The following FARS2 variants were observed in gnomAD, a reference collection of about 807,000 sequenced individuals.
FARS2 encodes the protein phenylalanine--tRNA ligase, mitochondrial.
In FARS2, 40 loss-of-function variants were observed where a neutral mutation model predicts 46.4. The observed-to-expected ratio is 0.86, with a 90% CI of 0.67 to 1.12. FARS2 has a LOEUF of 1.12. Ranked by LOEUF, FARS2 falls within the 50% of genes most tolerant of loss-of-function variation. The probability of loss-of-function intolerance (pLI) is 0.00; values close to 1 mark genes in which losing one functional copy is unlikely to be tolerated. For synonymous variants in FARS2, 234 were observed against 214.9 expected (o/e 1.09, Z -0.78); for missense variants, 513 against 567.9 (o/e 0.90, Z 0.98).
chr6:5,367,957 T>TA (rs1001596185), intron 1 of FARS2, among the ~76,000 whole-genome samples: 50 of 152,310 alleles, frequency 3.3e-4, no homozygotes, highest in Non-Finnish European at 6.2e-4. Flanking sequence ...TAAAACTTTT[T>TA]AAAAAAATTA....
At chr6:5,333,833 T>A (rs1395175253) in intron 1 of FARS2, among the ~76,000 whole-genome samples, 2 of 152,186 alleles carry the variant, frequency 1.3e-5, no homozygotes, top group Admixed American at 6.5e-5. Context: ...ACTTTGTACA[T>A]CATCTACCAT....
At chr6:5,285,915 T>C (rs1162395517) in intron 1 of FARS2, among the ~76,000 whole-genome samples, 2 of 152,198 alleles carry the variant, frequency 1.3e-5, no homozygotes, top group Non-Finnish European at 2.9e-5. Flanking sequence ...AGAAAGTTCA[T>C]ACCTGTGGAG....
intron 6 of FARS2, among the ~76,000 whole-genome samples, chr6:5,699,375 C>G (rs1758285149): frequency 6.6e-6 from 1 of 152,218 alleles, no homozygotes; most frequent in African/African-American, 2.4e-5. Context: ...TTCCCTTTCT[C>G]TACAGTTTTG....
rs142536639 is a variant in FARS2, at chr6:5,429,025, A to G, written c.773-2016A>G. 1.6e-3 allele frequency among the ~76,000 whole-genome samples: 251 copies of G among 152,332 alleles called. 2 individuals carry two copies. Among genetic ancestry groups the G allele is most frequent in the African/African-American group, 4.9e-3 (204 of 41,564 alleles). On this transcript the variant is annotated intron_variant, in intron 3 of 6. Coordinates refer to ENST00000274680, the MANE Select transcript of FARS2 (RefSeq NM_006567.5). ...ATTTTTATAAAATTCTAGGAAATGCAAACTCATCTATAGTGGCAGAACAAA... is the reference window on the plus strand; with the variant it reads ...ATTTTTATAAAATTCTAGGAAATGCGAACTCATCTATAGTGGCAGAACAAA...
intron 1 of FARS2, among the ~76,000 whole-genome samples, chr6:5,312,714 G>T (rs1769168446): frequency 6.6e-6 from 1 of 152,202 alleles, no homozygotes; most frequent in Non-Finnish European, 1.5e-5. Flanking sequence ...TCAATTATAA[G>T]GAGTCCAACC....
intron 3 of FARS2, among the ~76,000 whole-genome samples, chr6:5,410,608 A>T (rs994131419): frequency 6.6e-6 from 1 of 152,194 alleles, no homozygotes; most frequent in African/African-American, 2.4e-5. Flanking sequence ...ACCTGGATTA[A>T]ATTTACATTA....
At chr6:5,754,609 A>G (rs1685769616) in intron 6 of FARS2, among the ~76,000 whole-genome samples, 1 of 152,228 alleles carries the variant, frequency 6.6e-6, no homozygotes, top group African/African-American at 2.4e-5. Context: ...CTTCAAAGGT[A>G]TGTGAGTTGC....
At chr6:5,466,453 A>T (rs897858700) in intron 4 of FARS2, 1 of 890,892 alleles carries the variant, frequency 1.1e-6, no homozygotes, top group Non-Finnish European at 1.3e-6. Flanking sequence ...AGTCAGCTCT[A>T]TATTCCCAGG....
At chr6:5,418,555 T>C (rs1554182859) in intron 3 of FARS2, among the ~76,000 whole-genome samples, 1 of 152,200 alleles carries the variant, frequency 6.6e-6, no homozygotes, top group Non-Finnish European at 1.5e-5. Context: ...TCCAACTTTA[T>C]TCCCTCTAAT....
At chr6:5,408,156 C>G (rs968209617) in intron 3 of FARS2, among the ~76,000 whole-genome samples, 3 of 152,174 alleles carry the variant, frequency 2.0e-5, no homozygotes, top group African/African-American at 7.2e-5. Flanking sequence ...TCCCTGTCTT[C>G]AAAGAGCCAT....
At chr6:5,405,428 A>C (rs1761510339) in intron 3 of FARS2, among the ~76,000 whole-genome samples, 2 of 145,496 alleles carry the variant, frequency 1.4e-5, no homozygotes, top group African/African-American at 5.1e-5. Context: ...GCTGATTTGG[A>C]GTATATTATT....
At chr6:5,423,848 G>T (rs1432394981) in intron 3 of FARS2, among the ~76,000 whole-genome samples, 1 of 152,164 alleles carries the variant, frequency 6.6e-6, no homozygotes, top group Non-Finnish European at 1.5e-5. Context: ...TAAGGCCCTA[G>T]ATAGGGATGA....
At chr6:5,646,906 G>A (rs559348122) in intron 6 of FARS2, among the ~76,000 whole-genome samples, 1 of 152,190 alleles carries the variant, frequency 6.6e-6, no homozygotes, top group African/African-American at 2.4e-5. Context: ...CATGGATATG[G>A]AGGACCAACT....
chr6:5,380,080 T>G (rs1383562017), intron 2 of FARS2, among the ~76,000 whole-genome samples: 4 of 152,228 alleles, frequency 2.6e-5, no homozygotes, highest in African/African-American at 7.2e-5. Flanking sequence ...AAATATTTGT[T>G]CTTAATTCAA....
rs181568966 is a variant in FARS2, at chr6:5,322,292, A to G, written c.-21-46258A>G. On this transcript the variant is annotated intron_variant, in intron 1 of 6. Coordinates refer to ENST00000274680, the MANE Select transcript of FARS2 (RefSeq NM_006567.5). Reference sequence around the variant, plus strand: ...AGAATTGTAAAATGATTTTAATAACACTGGATAGTTAAAAAAGTTAGATTA... The same window carrying G: ...AGAATTGTAAAATGATTTTAATAACGCTGGATAGTTAAAAAAGTTAGATTA... Among the ~76,000 whole-genome samples the G allele has an allele frequency of 3.3e-5, 5 of 152,356 alleles. No homozygotes were observed. The East Asian group carries it at 9.6e-4, about 29-fold the overall frequency.
intron 6 of FARS2, among the ~76,000 whole-genome samples, chr6:5,706,225 T>C (rs1455613227): frequency 6.6e-6 from 1 of 152,174 alleles, no homozygotes; most frequent in African/African-American, 2.4e-5. Flanking sequence ...CAGGCAGAAC[T>C]CAGGTGGTTA....
intron 6 of FARS2, 57 bp from the exon 7 acceptor site, chr6:5,771,234 C>T (rs1240825562): frequency 4.4e-6 from 7 of 1,608,242 alleles, no homozygotes; most frequent in East Asian, 2.2e-5. Context: ...CCACACTGCT[C>T]CTTCAGGCAC....
At chr6:5,378,014 C>A (rs1399032559) in intron 2 of FARS2, among the ~76,000 whole-genome samples, 1 of 151,968 alleles carries the variant, frequency 6.6e-6, no homozygotes, top group Non-Finnish European at 1.5e-5. Context: ...CAAATATTCA[C>A]ACAGAAATAA....
intron 2 of FARS2, among the ~76,000 whole-genome samples, chr6:5,385,690 C>T (rs1033925943): frequency 1.3e-5 from 2 of 152,118 alleles, no homozygotes; most frequent in African/African-American, 4.8e-5. Context: ...TCCTAAAGTG[C>T]TGGGATTACA....
Sources: allele counts gnomAD v4.1 joint callset (sites outside exome capture counted in the v4.1 genomes callset), GRCh38; gene constraint gnomAD v4.1.1; transcripts MANE v1.5; gene names NCBI Gene and HGNC (gene_info 2026-07-23, HGNC 2026-07-21).